ANO2: variants seen among roughly 807,000 people sequenced by gnomAD.
ANO2 encodes anoctamin-2.
ANO2 carries 101 observed loss-of-function variants against 124.2 expected under a neutral mutation model. That is an observed-to-expected ratio of 0.81 (90% confidence interval 0.69 to 0.96). The LOEUF is 0.96. Ranked by LOEUF, ANO2 falls within the 40% of genes least tolerant of loss-of-function variation. The pLI is 0.00. For missense variants in ANO2, 1,293 were observed against 1,274.5 expected, an observed-to-expected ratio of 1.01 and a Z score of -0.22; for synonymous variants, 486 against 482.5, an observed-to-expected ratio of 1.01 and a Z score of -0.09.
At chr12:5,566,633 C>T (rs1451231441) in intron 23 of ANO2, among the ~76,000 whole-genome samples, 2 of 152,204 alleles carry the variant, frequency 1.3e-5, no homozygotes, top group African/African-American at 2.4e-5. Context: ...CAGGTAGGGA[C>T]TCTGCCCGGG....
intron 14 of ANO2, among the ~76,000 whole-genome samples, chr12:5,652,575 G>C (rs1043714886): frequency 2.6e-5 from 4 of 151,894 alleles, no homozygotes; most frequent in African/African-American, 9.7e-5. Context: ...ACTCCTCGAA[G>C]CTGTGATAGT....
chr12:5,714,461 C>T (rs896834143), intron 14 of ANO2, among the ~76,000 whole-genome samples: 3 of 152,164 alleles, frequency 2.0e-5, no homozygotes, highest in Non-Finnish European at 2.9e-5. Flanking sequence ...GCCACTGCCA[C>T]CTTTGTTTCC....
chr12:5,638,144 T>G (rs1024266711), intron 15 of ANO2, among the ~76,000 whole-genome samples: 1 of 152,152 alleles, frequency 6.6e-6, no homozygotes, highest in Admixed American at 6.5e-5. Flanking sequence ...GCTGAGATGT[T>G]AATGGTGATA....
At chr12:5,623,363 T>C (rs145332419) in intron 16 of ANO2, among the ~76,000 whole-genome samples, 448 of 152,134 alleles carry the variant, frequency 2.9e-3, no homozygotes, top group Middle Eastern at 0.014. Flanking sequence ...TTCACCTGCT[T>C]CCAAACTGTG....
chr12:5,739,042 C>T (rs1950986451), intron 13 of ANO2: 3 of 586,862 alleles, frequency 5.1e-6, no homozygotes, highest in Admixed American at 2.2e-5. Context: ...CATCTTCTGC[C>T]ACCTCTTTCC....
At position 5,563,413 on chromosome 12, in the gene ANO2, C is replaced by T. The variant is rs371406547; in HGVS notation, c.2883G>A (p.Leu961=). The T allele has an allele frequency of 2.1e-5, 34 of 1,611,474 alleles. No individual in the cohort carries two copies. In the African/African-American group the frequency reaches 2.8e-4, roughly 13 times the overall value. The change falls in exon 25 of 25, where the codon CTG becomes CTA. Residue 961 remains leucine, a synonymous_variant. Coordinates refer to ENST00000682330, the MANE Select transcript of ANO2 (RefSeq NM_001364791.2). ...EKLKLMDEPA[L]RSPGGGDRSR... ...TTCGATCCCCACCTCCTGGGCTCCT[C>T]AGAGCCGGCTCATCCATCAGCTTGA... is the stretch of plus-strand genomic sequence containing the variant.
At chr12:5,777,621 C>T (rs535529485) in intron 10 of ANO2, among the ~76,000 whole-genome samples, 30 of 152,160 alleles carry the variant, frequency 2.0e-4, no homozygotes, top group Non-Finnish European at 4.1e-4. Context: ...CCTCCCCACC[C>T]CCATCTTCCT....
At chr12:5,874,010 C>T (rs1047691487) in intron 3 of ANO2, among the ~76,000 whole-genome samples, 2 of 152,192 alleles carry the variant, frequency 1.3e-5, no homozygotes, top group Admixed American at 6.5e-5. Context: ...ATAGAGGCCT[C>T]AATGCTCAGT....
At chr12:5,734,049 C>T (rs1950756244) in intron 13 of ANO2, among the ~76,000 whole-genome samples, 1 of 152,202 alleles carries the variant, frequency 6.6e-6, no homozygotes, top group Non-Finnish European at 1.5e-5. Context: ...TTTTGTCTCT[C>T]ACCTTCATCC....
chr12:5,869,431 TCAAAG>T (rs1955513615), intron 3 of ANO2, among the ~76,000 whole-genome samples: 1 of 152,056 alleles, frequency 6.6e-6, no homozygotes, highest in Admixed American at 6.5e-5. Context: ...TGCATCCAAC[TCAAAG>T]CAAAGCCCAG....
At chr12:5,825,507 T>C (rs1953927602) in intron 7 of ANO2, among the ~76,000 whole-genome samples, 1 of 152,202 alleles carries the variant, frequency 6.6e-6, no homozygotes, top group Admixed American at 6.5e-5. Context: ...TACGTTCTGC[T>C]GGCCTAGAGA....
At chr12:5,873,243 C>G (rs548545106) in intron 3 of ANO2, among the ~76,000 whole-genome samples, 9,831 of 132,818 alleles carry the variant, frequency 0.074, 823 homozygotes, top group African/African-American at 0.2. Context: ...CTCTCTCTCT[C>G]TCTGTCTGTC....
rs79340851 is a variant in ANO2, at chr12:5,666,019, C to A, written c.1546-18218G>T. On this transcript the variant is annotated intron_variant, in intron 14 of 24. Coordinates refer to ENST00000682330, the MANE Select transcript of ANO2 (RefSeq NM_001364791.2). The stretch of plus-strand genomic sequence containing the variant: ...ATGCACAGCTTAATGTAAGAGCTTG[C>A]CCTCTCCTTGGTCTCATCATCATCA... Among the ~76,000 whole-genome samples, 1,294 of 152,244 alleles carry A rather than the reference C, an allele frequency of 8.5e-3. 9 individuals are homozygous for A. The highest frequency in any genetic ancestry group is 0.014 in the Non-Finnish European group (937 of 68,016).
chr12:5,930,428 T>C (rs1025151990), intron 1 of ANO2, among the ~76,000 whole-genome samples: 62 of 151,990 alleles, frequency 4.1e-4, no homozygotes, highest in African/African-American at 1.4e-3. Flanking sequence ...TGGATGAGTG[T>C]TGGGAGATGA....
chr12:5,807,062 A>C (rs571430927), intron 8 of ANO2, among the ~76,000 whole-genome samples: 2 of 152,326 alleles, frequency 1.3e-5, no homozygotes, highest in South Asian at 4.1e-4. Context: ...GTACAAGAAA[A>C]GCTCAAACAA....
intron 3 of ANO2, among the ~76,000 whole-genome samples, chr12:5,879,381 A>G (rs7486643): frequency 0.46 from 70,282 of 151,826 alleles, 16,500 homozygotes; most frequent in South Asian, 0.59. Context: ...ATTATAGCTC[A>G]GATACAGATC....
intron 1 of ANO2, among the ~76,000 whole-genome samples, chr12:5,932,575 G>C (rs200806769): frequency 4.4e-3 from 397 of 90,056 alleles, no homozygotes; most frequent in East Asian, 0.012. Context: ...AGACTGGTAA[G>C]AAAGTGACTA....
chr12:5,824,290 T>C (rs1420224030), intron 7 of ANO2, among the ~76,000 whole-genome samples: 1 of 152,240 alleles, frequency 6.6e-6, no homozygotes, highest in Non-Finnish European at 1.5e-5. Context: ...CAAACTTTTA[T>C]GTTCTGCTTC....
intron 1 of ANO2, among the ~76,000 whole-genome samples, chr12:5,924,702 T>C (rs1941997035): frequency 6.6e-6 from 1 of 152,238 alleles, no homozygotes; most frequent in Admixed American, 6.5e-5. Flanking sequence ...ATTCACCTTG[T>C]CCAAAGCGCA....
Sources: allele counts gnomAD v4.1 joint callset (sites outside exome capture counted in the v4.1 genomes callset), GRCh38; gene constraint gnomAD v4.1.1; transcripts MANE v1.5; gene names NCBI Gene and HGNC (gene_info 2026-07-23, HGNC 2026-07-21).